The following PKHD1 variants were observed in gnomAD, a reference collection of about 807,000 sequenced individuals.
PKHD1 encodes the protein fibrocystin.
Under a neutral mutation model 412.0 loss-of-function variants are expected in PKHD1, and 291 were observed. The ratio of observed to expected loss-of-function variants is 0.71; its 90% CI spans 0.64 to 0.78. The LOEUF is 0.78. PKHD1 is among the 30% of genes least tolerant of loss of function. The pLI, the probability that PKHD1 is intolerant of heterozygous loss-of-function variation, is 0.00. For synonymous variants in PKHD1, 1,777 were observed against 1,821.5 expected, an observed-to-expected ratio of 0.98 and a Z score of 0.62; for missense variants, 4,825 against 4,950.7, an observed-to-expected ratio of 0.97 and a Z score of 0.76.
intron 60 of PKHD1, chr6:51,740,002 T>C (rs775260072): frequency 1.9e-6 from 1 of 519,004 alleles, no homozygotes; most frequent in Non-Finnish European, 3.8e-6. Context: ...GGGACATTAA[T>C]TTCAATGCTT....
At chr6:51,982,609 CAGCATGCTCGTCA>C (rs1366990447) in intron 35 of PKHD1, among the ~76,000 whole-genome samples, 1 of 147,808 alleles carries the variant, frequency 6.8e-6, no homozygotes, top group African/African-American at 2.5e-5. Flanking sequence ...TGCTTGAAGG[CAGCATGCTCGTCA>C]AGAGTCATCA....
Position 51,952,244 on chromosome 6 carries a change from T to C in PKHD1, c.5908+7626A>G, listed in dbSNP as rs200602754. Among the ~76,000 whole-genome samples, 9 of 152,286 alleles carry C rather than the reference T, an allele frequency of 5.9e-5. No individual in the cohort carries two copies. The East Asian group carries it at 1.5e-3, about 26-fold the overall frequency. ...CAAGTGTCCCCCACATTAAAAAGCC[T>C]TTGTCTCTGATCTCCTGATACACAA... On this transcript the variant is annotated intron_variant, in intron 36 of 66. Coordinates refer to ENST00000371117, the MANE Select transcript of PKHD1 (RefSeq NM_138694.4).
chr6:52,058,592 C>A lies in PKHD1; in HGVS notation c.1243G>T (p.Ala415Ser). Residue 415 changes from alanine (A) to serine (S), a missense_variant, in exon 16 of 67, where the codon GCC becomes TCC. Transcript: ENST00000371117. Reference protein sequence around the residue: ...SEEPRTKVKVASISVGTADWF... With the variant: ...SEEPRTKVKVSSISVGTADWF... The stretch of plus-strand genomic sequence containing the variant: ...TCAGCAGTGCCGACGCTGATGGAGG[C>A]CACTTTCACCTATGCCCAAATAAGC... The A allele has an allele frequency of 6.2e-7, 1 of 1,613,970 alleles. No individual in the cohort carries two copies. Among genetic ancestry groups the A allele is most frequent in the African/African-American group, 1.3e-5 (1 of 75,040 alleles).
intron 61 of PKHD1, among the ~76,000 whole-genome samples, chr6:51,655,960 C>T (rs1771766192): frequency 6.6e-6 from 1 of 152,026 alleles, no homozygotes; most frequent in Non-Finnish European, 1.5e-5. Context: ...ACAAGAAATA[C>T]CATTTGACTC....
rs137923153 is a variant in PKHD1, at chr6:52,084,306, T to A, written c.52+576A>T. ...CACGTCACATTAGCACAACCATTTATGGCAGCCCCAGCCAGACTAGACCAT... is the reference window on the plus strand; with the variant it reads ...CACGTCACATTAGCACAACCATTTAAGGCAGCCCCAGCCAGACTAGACCAT... On this transcript the variant is annotated intron_variant, in intron 2 of 66. Transcript: ENST00000371117. Among the ~76,000 whole-genome samples the A allele has an allele frequency of 2.9e-3, 436 of 152,364 alleles. 3 individuals are homozygous for A. Among genetic ancestry groups the A allele is most frequent in the African/African-American group, 0.01 (423 of 41,592 alleles).
intron 35 of PKHD1, among the ~76,000 whole-genome samples, chr6:51,970,619 AT>A (rs1793530564): frequency 6.6e-6 from 1 of 152,144 alleles, no homozygotes; most frequent in Admixed American, 6.6e-5. Flanking sequence ...TCTTGAGTTA[AT>A]TTTTGTATAA....
intron 60 of PKHD1, among the ~76,000 whole-genome samples, chr6:51,679,932 G>A (rs1213502276): frequency 1.3e-5 from 2 of 151,936 alleles, no homozygotes; most frequent in Admixed American, 1.3e-4. Flanking sequence ...TCAGGACTCT[G>A]GAGCAAACTG....
At chr6:51,702,787 T>C (rs1029060719) in intron 60 of PKHD1, among the ~76,000 whole-genome samples, 8 of 151,218 alleles carry the variant, frequency 5.3e-5, no homozygotes, top group Non-Finnish European at 1.0e-4. Flanking sequence ...AAATAAGAAA[T>C]TAAATAATAA....
intron 60 of PKHD1, among the ~76,000 whole-genome samples, chr6:51,697,522 G>A (rs188577333): frequency 1.0e-3 from 157 of 152,318 alleles, no homozygotes; most frequent in East Asian, 3.9e-4. Context: ...GTATGAGGCT[G>A]TTCTGTACAT....
In PKHD1 at chr6:51,744,475, C is replaced by T; in HGVS notation, c.10066G>A (p.Asp3356Asn). 2 of 1,612,918 alleles carry T rather than the reference C, an allele frequency of 1.2e-6. No individual in the cohort carries two copies. The highest frequency in any genetic ancestry group is 1.7e-6 in the Non-Finnish European group (2 of 1,178,958). ...AGACCCAGGGCTCTCCCATCCAGAT[C>T]CTTGAAGAGATATTTTCTTGGACTT... ...CASPRKYLFK[D>N]LDGRALGLPP... Residue 3356 changes from aspartate to asparagine, a missense_variant, in exon 60 of 67, where the codon GAT (aspartate) becomes AAT (asparagine). Transcript: ENST00000371117.
At chr6:51,700,239 A>C (rs1230759992) in intron 60 of PKHD1, among the ~76,000 whole-genome samples, 1 of 152,078 alleles carries the variant, frequency 6.6e-6, no homozygotes, top group Admixed American at 6.6e-5. Context: ...GATCTAGAAA[A>C]AGCAAATTTA....
intron 29 of PKHD1, 23 bp downstream of exon 29, chr6:52,033,007 T>C: frequency 5.0e-6 from 8 of 1,596,816 alleles, no homozygotes; most frequent in Non-Finnish European, 6.9e-6. Flanking sequence ...AAGAAAAAGA[T>C]CTTGCAGTAT....
rs547969723 is a variant in PKHD1, at chr6:52,065,955, C to T, written c.880+21G>A. 3.7e-4 allele frequency: 408 copies of T among 1,101,204 alleles called. 8 individuals carry two copies. The South Asian group carries it at 3.8e-3, about 10-fold the overall frequency. The allele number at this position is 1,101,204 out of a possible 1,614,324, so 68.2% of individuals were successfully genotyped here. A position where few individuals can be genotyped will look rare whatever the true frequency, so the allele number is the denominator to read the frequency against. ...AGCATCTAAAACTATGAACTATTTT[C>T]AGCCATTTCATCATAGTTACCTGCA... On this transcript the variant is annotated intron_variant, in intron 12 of 66. Transcript: ENST00000371117.
intron 65 of PKHD1, among the ~76,000 whole-genome samples, chr6:51,628,749 C>T (rs1279169939): frequency 6.6e-6 from 1 of 152,130 alleles, no homozygotes; most frequent in Non-Finnish European, 1.5e-5. Context: ...ACTGTTTTAA[C>T]TTTTTAATAA....
At chr6:51,665,015 A>G (rs868807784) in intron 60 of PKHD1, among the ~76,000 whole-genome samples, 1 of 152,166 alleles carries the variant, frequency 6.6e-6, no homozygotes, top group Non-Finnish European at 1.5e-5. Context: ...AATGAAAAAT[A>G]TACTCATTTT....
At chr6:51,923,088 T>A (rs1314571104) in intron 37 of PKHD1, among the ~76,000 whole-genome samples, 1 of 152,200 alleles carries the variant, frequency 6.6e-6, no homozygotes, top group East Asian at 1.9e-4. Context: ...AACCCCGTTT[T>A]GCCAAATTTT....
chr6:51,890,380 G>A (rs1778914616), intron 43 of PKHD1, among the ~76,000 whole-genome samples: 1 of 151,152 alleles, frequency 6.6e-6, no homozygotes, highest in African/African-American at 2.4e-5. Flanking sequence ...CCCGGTCACG[G>A]ACAGAACAGG....
intron 52 of PKHD1, among the ~76,000 whole-genome samples, chr6:51,804,800 C>T (rs964459836): frequency 2.0e-5 from 3 of 151,914 alleles, no homozygotes; most frequent in African/African-American, 4.8e-5. Context: ...GACTGAAAAG[C>T]GAGAAATGCA....
intron 52 of PKHD1, among the ~76,000 whole-genome samples, chr6:51,806,650 C>T (rs1375163489): frequency 6.6e-6 from 1 of 151,986 alleles, no homozygotes; most frequent in African/African-American, 2.4e-5. Context: ...CTCCAAAAAT[C>T]ACCAAGACAG....
Sources: gnomAD v4.1 joint callset for allele counts (sites outside exome capture counted in the v4.1 genomes callset) on GRCh38, gnomAD v4.1.1 for gene constraint, MANE v1.5 for transcripts, NCBI Gene and HGNC (gene_info 2026-07-23, HGNC 2026-07-21) for gene names.